The following SND1 variants were observed in gnomAD, a reference collection of about 807,000 sequenced individuals.
The protein encoded by SND1 is staphylococcal nuclease domain-containing protein 1.
In SND1, 38 loss-of-function variants were observed where a neutral mutation model predicts 121.7. That is an observed-to-expected ratio of 0.31 (90% CI 0.24 to 0.41). SND1 has a LOEUF of 0.41. SND1 is among the 10% of genes least tolerant of loss of function. The pLI, the probability that SND1 is intolerant of heterozygous loss-of-function variation, is 1.00. For synonymous variants in SND1, 401 were observed against 447.4 expected, an observed-to-expected ratio of 0.90 and a Z score of 1.31; for missense variants, 868 against 1,184.6, an observed-to-expected ratio of 0.73 and a Z score of 3.92.
chr7:127,843,226 G>A (rs982138794), intron 11 of SND1, among the ~76,000 whole-genome samples: 1 of 152,004 alleles, frequency 6.6e-6, no homozygotes. Context: ...TACAATTGTT[G>A]AGCCTACCTT....
chr7:127,796,294 G>T (rs1270699915), intron 10 of SND1, among the ~76,000 whole-genome samples: 3 of 151,908 alleles, frequency 2.0e-5, no homozygotes, highest in Non-Finnish European at 4.4e-5. Context: ...TGATACAACT[G>T]CCCCCCCTTT....
chr7:127,864,937 TG>T (rs1000175910), intron 12 of SND1, among the ~76,000 whole-genome samples: 25 of 152,080 alleles, frequency 1.6e-4, no homozygotes, highest in Non-Finnish European at 2.9e-5. Context: ...TTTTATAGGG[TG>T]GGGGTAGACC....
At chr7:128,008,944 GGTAGA>G (rs1240244360) in intron 16 of SND1, among the ~76,000 whole-genome samples, 1 of 152,132 alleles carries the variant, frequency 6.6e-6, no homozygotes, top group Non-Finnish European at 1.5e-5. Flanking sequence ...CTGATGGTGT[GGTAGA>G]GTAGAGAAGG....
intron 11 of SND1, among the ~76,000 whole-genome samples, chr7:127,817,749 G>A (rs1209867441): frequency 3.5e-5 from 2 of 56,414 alleles, no homozygotes; most frequent in African/African-American, 7.9e-5. Flanking sequence ...TTTTTTTTTG[G>A]TCAGGAATCT....
intron 12 of SND1, among the ~76,000 whole-genome samples, chr7:127,885,636 T>C (rs1799890300): frequency 2.0e-5 from 3 of 152,102 alleles, no homozygotes; most frequent in Admixed American, 2.0e-4. Context: ...GCCAGGCAGG[T>C]ACTCAGTAAT....
chr7:128,009,894 A>G (rs1228077103), intron 16 of SND1, among the ~76,000 whole-genome samples: 1 of 152,136 alleles, frequency 6.6e-6, no homozygotes, highest in East Asian at 1.9e-4. Flanking sequence ...CAAGTCAGAC[A>G]ACCTTGTCCT....
intron 13 of SND1, among the ~76,000 whole-genome samples, chr7:127,890,810 A>C (rs921448193): frequency 6.6e-6 from 1 of 152,182 alleles, no homozygotes; most frequent in South Asian, 2.1e-4. Context: ...TGCAGAAGTA[A>C]TGTAACAAGA....
At position 127,908,359 on chromosome 7, in the gene SND1, T is replaced by TGC. The variant is rs1554441831; in HGVS notation, c.1527+3542_1527+3543dup. The stretch of plus-strand genomic sequence containing the variant: ...GTGTGTGTGTGTGTGTGTGTGTGTG[T>TGC]GCGTGCGTGTTGACCCATCTGCGTC... On this transcript the variant is annotated intron_variant, in intron 14 of 23. Transcript: ENST00000354725. Among the ~76,000 whole-genome samples, 39 of 144,946 alleles carry TGC rather than the reference T, an allele frequency of 2.7e-4. No homozygotes were observed. In the South Asian group the frequency reaches 3.1e-3, roughly 11 times the overall value.
At position 128,029,306 on chromosome 7, in the gene SND1, C is replaced by T. The variant is rs780056809; in HGVS notation, c.1779+38250C>T. ...AGAAGCTGTAGTTGGAGGTGTTAAG[C>T]TCAGCCGTGCTCACATTGAGGTAGG... On this transcript the variant is annotated intron_variant, in intron 16 of 23. Coordinates refer to ENST00000354725, the MANE Select transcript of SND1 (RefSeq NM_014390.4). The surrounding 1 kb of genome is among the most constrained non-coding windows in gnomAD (Gnocchi z 4.2). 4 of 1,614,056 alleles carry T rather than the reference C, an allele frequency of 2.5e-6. No individual in the cohort carries two copies. In the African/African-American group the frequency reaches 4.0e-5, roughly 16 times the overall value.
chr7:127,723,064 A>G (rs1185925512), intron 10 of SND1, among the ~76,000 whole-genome samples: 5 of 152,168 alleles, frequency 3.3e-5, no homozygotes, highest in African/African-American at 9.7e-5. Context: ...TTGAACGTTA[A>G]TTTTTGTGCC....
chr7:128,032,020 C>T (rs1216347220), intron 16 of SND1: 1 of 151,696 alleles, frequency 6.6e-6, no homozygotes, highest in African/African-American at 2.4e-5. Flanking sequence ...CCCACCGTCT[C>T]CTCCTCGCGC....
intron 16 of SND1, chr7:128,028,857 G>C: frequency 6.2e-7 from 1 of 1,614,164 alleles, no homozygotes; most frequent in Non-Finnish European, 8.5e-7. Context: ...CAGCACTACT[G>C]CCCCCTCACC....
chr7:127,976,055 A>G (rs1392814860), intron 15 of SND1, among the ~76,000 whole-genome samples: 1 of 151,934 alleles, frequency 6.6e-6, no homozygotes, highest in African/African-American at 2.4e-5. Flanking sequence ...TTCCTCTCTT[A>G]TTCCCCACCC....
chr7:128,059,495 A>G (rs975709589), intron 16 of SND1, among the ~76,000 whole-genome samples: 1 of 152,244 alleles, frequency 6.6e-6, no homozygotes, highest in African/African-American at 2.4e-5. Context: ...GTCTCTTTAC[A>G]TACTTACTGA....
chr7:127,807,648 G>A, intron 11 of SND1, 75 bp downstream of exon 11: 1 of 1,143,808 alleles, frequency 8.7e-7, no homozygotes, highest in Non-Finnish European at 1.3e-6. Flanking sequence ...ATTGTTATAA[G>A]CTGGGCCCTT....
rs114318283 is a variant in SND1, at chr7:128,084,890, G to A, written c.2234+43G>A. Reference sequence around the variant, plus strand: ...GCAAGGCAGAGTCTTGAGCAGGAACGATAGCAGGGCTGTCCTCAGGCCTCA... The same window carrying A: ...GCAAGGCAGAGTCTTGAGCAGGAACAATAGCAGGGCTGTCCTCAGGCCTCA... On this transcript the variant is annotated intron_variant, in intron 19 of 23. Transcript: ENST00000354725. 1.0e-3 allele frequency: 1,598 copies of A among 1,564,054 alleles called. 7 individuals carry two copies. The African/African-American group carries it at 0.011, about 11-fold the overall frequency.
At chr7:128,083,567 G>A (rs1793641400) in intron 18 of SND1, among the ~76,000 whole-genome samples, 1 of 152,220 alleles carries the variant, frequency 6.6e-6, no homozygotes, top group South Asian at 2.1e-4. Context: ...GCATGCATTG[G>A]GGATTCTACC....
rs201962660 is a variant in SND1 at position 127,694,948 on chromosome 7, G to A, written c.349G>A (p.Asp117Asn). The change falls in exon 3 of 24, where the codon GAT (aspartate) becomes AAT (asparagine). Residue 117 changes from aspartate to asparagine, a missense_variant and splice_region_variant. Around this residue, in one of 2 missense-constraint regions of SND1, gnomAD observed 743 missense variants for 1,071.3 expected, o/e 0.69. Coordinates refer to ENST00000354725, the MANE Select transcript of SND1 (RefSeq NM_014390.4). ...REYGMIYLGK[D>N]TNGENIAESL... ...GTATGGCATGATCTACCTTGGAAAA[G>A]GTGAGCTGCAGGGAGAGGACTCATT... 3 of 1,611,656 alleles carry A rather than the reference G, an allele frequency of 1.9e-6. No homozygotes were observed. In the East Asian group the frequency reaches 6.7e-5, roughly 36 times the overall value.
intron 15 of SND1, among the ~76,000 whole-genome samples, chr7:127,935,298 C>G (rs535364833): frequency 3.9e-5 from 6 of 152,224 alleles, no homozygotes; most frequent in African/African-American, 1.2e-4. Context: ...GCATCTTGTG[C>G]GCTTTTAGAA....
Sources: gnomAD v4.1 joint callset for allele counts (sites outside exome capture counted in the v4.1 genomes callset) on GRCh38, gnomAD v4.1.1 for gene constraint, gnomAD v4.1.1 regional missense constraint, Gnocchi (gnomAD v3.1) non-coding constraint, MANE v1.5 for transcripts, NCBI Gene and HGNC (gene_info 2026-07-23, HGNC 2026-07-21) for gene names.